Variants in TYW1 observed in about 807,000 individuals in gnomAD.
TYW1 encodes tRNA-yW synthesizing protein 1 homolog, also known as S-adenosyl-L-methionine-dependent tRNA 4-demethylwyosine synthase TYW1.
A neutral mutation model predicts 96.2 loss-of-function variants in TYW1; 46 were observed. The ratio of observed to expected loss-of-function variants is 0.48; its 90% CI spans 0.38 to 0.61. The LOEUF is 0.61. Among genes scored for constraint, TYW1 ranks in the 20% least tolerant of loss-of-function variants. The pLI is 0.00. For synonymous variants in TYW1, 274 were observed against 323.0 expected (o/e 0.85, Z 1.63); for missense variants, 684 against 909.6 (o/e 0.75, Z 3.19).
chr7:67,038,818 C>T (rs1056385152), intron 7 of TYW1, among the ~76,000 whole-genome samples: 60 of 151,696 alleles, frequency 4.0e-4, no homozygotes, highest in Middle Eastern at 3.4e-3. Context: ...ACAGGAGAAT[C>T]GCTTGAACCC....
At chr7:67,072,934 GTTTTTTTTT>G (rs529812538) in intron 10 of TYW1, among the ~76,000 whole-genome samples, 12 of 71,262 alleles carry the variant, frequency 1.7e-4, no homozygotes, top group African/African-American at 2.6e-4. Flanking sequence ...TGCCTATCCA[GTTTTTTTTT>G]TTTTTTTTTT....
chr7:67,102,829 T>G (rs1328785991), intron 12 of TYW1, among the ~76,000 whole-genome samples: 2 of 151,944 alleles, frequency 1.3e-5, no homozygotes, highest in African/African-American at 4.8e-5. Context: ...TTTTTTGTAT[T>G]TTTAGTAGAG....
intron 13 of TYW1, among the ~76,000 whole-genome samples, chr7:67,129,868 T>A (rs566107760): frequency 1.6e-3 from 238 of 152,332 alleles, no homozygotes; most frequent in Middle Eastern, 3.4e-3. Context: ...GTTGTTTAAA[T>A]CTCAACTCTT....
chr7:67,010,578 C>A (rs915688894), intron 4 of TYW1, among the ~76,000 whole-genome samples: 3 of 151,472 alleles, frequency 2.0e-5, no homozygotes, highest in African/African-American at 7.3e-5. Context: ...CGGGTTCACG[C>A]CATTCTCCTG....
At chr7:67,220,176 A>C (rs1335817793) in intron 15 of TYW1, among the ~76,000 whole-genome samples, 1 of 134,930 alleles carries the variant, frequency 7.4e-6, no homozygotes, top group East Asian at 2.1e-4. Flanking sequence ...AAATTTGTGA[A>C]TTTTTTAGTT....
intron 10 of TYW1, among the ~76,000 whole-genome samples, chr7:67,071,821 G>A (rs573970236): frequency 6.6e-6 from 1 of 152,094 alleles, no homozygotes; most frequent in South Asian, 2.1e-4. Context: ...GGGGTTTCAC[G>A]GTGTTAGCCA....
chr7:67,106,305 T>C, intron 12 of TYW1, among the ~76,000 whole-genome samples: 1 of 152,250 alleles, frequency 6.6e-6, no homozygotes, highest in Non-Finnish European at 1.5e-5. Context: ...CCTTGGTCCC[T>C]GTAGACATGT....
chr7:67,023,621 A>C (rs1007999937), intron 6 of TYW1, among the ~76,000 whole-genome samples: 2 of 151,930 alleles, frequency 1.3e-5, no homozygotes, highest in African/African-American at 4.8e-5. Flanking sequence ...TACAAAAATT[A>C]GCTGGGTGTG....
intron 13 of TYW1, among the ~76,000 whole-genome samples, chr7:67,167,515 T>C (rs1322254925): frequency 6.6e-6 from 1 of 150,736 alleles, no homozygotes; most frequent in African/African-American, 2.4e-5. Context: ...GAAGAGAGTT[T>C]CTTCTGTAAT....
At chr7:67,009,822 C>T (rs1176909256) in intron 4 of TYW1, 138 bp downstream of exon 4, 4 of 791,236 alleles carry the variant, frequency 5.1e-6, no homozygotes, top group Admixed American at 6.4e-5. Context: ...TAGTTGAATT[C>T]CAGTGTGAAT....
intron 13 of TYW1, among the ~76,000 whole-genome samples, chr7:67,141,807 G>A (rs1798458905): frequency 6.6e-6 from 1 of 152,168 alleles, no homozygotes; most frequent in African/African-American, 2.4e-5. Context: ...AGGCCAAGGC[G>A]GGTGGATCAC....
At chr7:67,048,027 A>G (rs957052572) in intron 7 of TYW1, among the ~76,000 whole-genome samples, 1 of 149,616 alleles carries the variant, frequency 6.7e-6, no homozygotes, top group Non-Finnish European at 1.5e-5. Context: ...ACCTCAGGTG[A>G]TCCACCTGCC....
chr7:67,142,978 G>C (rs959967551), intron 13 of TYW1, among the ~76,000 whole-genome samples: 5 of 151,740 alleles, frequency 3.3e-5, no homozygotes, highest in African/African-American at 7.3e-5. Context: ...TCTTGAACCC[G>C]GGGGGCGGAA....
At chr7:67,139,966 A>G (rs1233553414) in intron 13 of TYW1, among the ~76,000 whole-genome samples, 5 of 152,126 alleles carry the variant, frequency 3.3e-5, no homozygotes, top group African/African-American at 1.2e-4. Context: ...AGCAATTCAC[A>G]AAACAAAGAG....
At chr7:67,211,706 C>T (rs1465512082) in intron 15 of TYW1, among the ~76,000 whole-genome samples, 1 of 152,204 alleles carries the variant, frequency 6.6e-6, no homozygotes, top group African/African-American at 2.4e-5. Flanking sequence ...CAGTGAGAGA[C>T]CTGGCTCCCA....
At position 67,196,183 on chromosome 7, in the gene TYW1, A is replaced by T. The variant is rs534312738; in HGVS notation, c.1977+846A>T. Reference sequence around the variant, plus strand: ...CTTCAGCTGTGTCTCCTGTGCTATTAAATTCAACCATTAATTTCTTAATTT... The same window carrying T: ...CTTCAGCTGTGTCTCCTGTGCTATTTAATTCAACCATTAATTTCTTAATTT... On this transcript the variant is annotated intron_variant, in intron 15 of 15. Transcript: ENST00000359626. Among the ~76,000 whole-genome samples, 53 of 151,878 alleles carry T rather than the reference A, an allele frequency of 3.5e-4. No homozygotes were observed. In the South Asian group the frequency reaches 7.9e-3, roughly 23 times the overall value.
At chr7:67,204,501 T>TC (rs1800707566) in intron 15 of TYW1, among the ~76,000 whole-genome samples, 1 of 151,408 alleles carries the variant, frequency 6.6e-6, no homozygotes, top group African/African-American at 2.4e-5. Flanking sequence ...CCTTCCTTCT[T>TC]CTCTTTTTTT....
intron 7 of TYW1, among the ~76,000 whole-genome samples, chr7:67,039,412 C>T (rs34340698): frequency 3.4e-5 from 5 of 149,252 alleles, no homozygotes; most frequent in Admixed American, 6.7e-5. Context: ...GAGCCGAGAT[C>T]CCGCCACTGC....
intron 11 of TYW1, among the ~76,000 whole-genome samples, chr7:67,084,169 C>G (rs2115778317): frequency 6.6e-6 from 1 of 152,216 alleles, no homozygotes; most frequent in Non-Finnish European, 1.5e-5. Context: ...GCTGAGCAGC[C>G]TTTTGAATGG....
Sources: allele counts gnomAD v4.1 joint callset (sites outside exome capture counted in the v4.1 genomes callset), GRCh38; gene constraint gnomAD v4.1.1; transcripts MANE v1.5; gene names NCBI Gene and HGNC (gene_info 2026-07-23, HGNC 2026-07-21).